Variants in VWF observed in about 807,000 individuals in gnomAD.
VWF encodes von Willebrand factor, also known as Factor VIII related antigen.
VWF carries 176 observed loss-of-function variants against 308.6 expected under a neutral mutation model. That is an observed-to-expected ratio of 0.57 (90% CI 0.50 to 0.65). VWF has a LOEUF of 0.65. Ranked by LOEUF, VWF falls within the 30% of genes least tolerant of loss-of-function variation. The probability of loss-of-function intolerance (pLI) is 0.00; values close to 1 mark genes in which losing one functional copy is unlikely to be tolerated. For synonymous variants in VWF, 1,385 were observed against 1,443.4 expected (o/e 0.96, Z 0.92); for missense variants, 3,146 against 3,648.2 (o/e 0.86, Z 3.55).
intron 5 of VWF, among the ~76,000 whole-genome samples, chr12:6,105,833 G>A (rs1308441702): frequency 2.0e-5 from 3 of 151,654 alleles, no homozygotes; most frequent in South Asian, 2.1e-4. Flanking sequence ...TCAAGAGATG[G>A]AGACCCTCCT....
intron 20 of VWF, among the ~76,000 whole-genome samples, chr12:6,032,598 A>T (rs1468499822): frequency 6.6e-6 from 1 of 151,658 alleles, no homozygotes; most frequent in African/African-American, 2.4e-5. Flanking sequence ...AGATCGCACC[A>T]CTGCACTCCA....
intron 34 of VWF, among the ~76,000 whole-genome samples, chr12:6,006,093 T>C (rs1223769948): frequency 1.3e-5 from 2 of 152,188 alleles, no homozygotes; most frequent in Admixed American, 1.3e-4. Flanking sequence ...AAATATAATT[T>C]GTGACATCAA....
At chr12:6,085,730 G>A (rs954762509) in intron 6 of VWF, among the ~76,000 whole-genome samples, 12 of 142,418 alleles carry the variant, frequency 8.4e-5, no homozygotes, top group South Asian at 2.3e-4. Flanking sequence ...GGGGGGGCGC[G>A]GGGGGCGGGG....
chr12:6,050,086 A>T (rs1591884679), intron 16 of VWF, among the ~76,000 whole-genome samples: 2 of 152,190 alleles, frequency 1.3e-5, no homozygotes, highest in African/African-American at 4.8e-5. Context: ...CAAGCTGTTG[A>T]TTCCATTTGT....
rs551960897 is a variant in VWF at position 6,100,350 on chromosome 12, T to C, written c.533-4766A>G. 1.5e-3 allele frequency among the ~76,000 whole-genome samples: 224 copies of C among 148,398 alleles called. 2 individuals carry two copies. The highest frequency in any genetic ancestry group is 2.1e-3 in the Non-Finnish European group (145 of 67,818). On this transcript the variant is annotated intron_variant, in intron 5 of 51. Coordinates refer to ENST00000261405, the MANE Select transcript of VWF (RefSeq NM_000552.5). ...TCAGTGTGGTGATTCCTCAGGGATCTAGAACTAGAAATACCATTTGACCCA... is the reference window on the plus strand; with the variant it reads ...TCAGTGTGGTGATTCCTCAGGGATCCAGAACTAGAAATACCATTTGACCCA...
chr12:6,092,603 T>TAGTTAGTGAGTGAGTG (rs1555073670), intron 6 of VWF, among the ~76,000 whole-genome samples: 1 of 65,366 alleles, frequency 1.5e-5, no homozygotes, highest in African/African-American at 6.6e-5. Flanking sequence ...CCCAGCTAGT[T>TAGTTAGTGAGTGAGTG]AGTGAGTGAG....
chr12:6,093,672 G>A (rs1397988156), intron 6 of VWF, among the ~76,000 whole-genome samples: 1 of 152,198 alleles, frequency 6.6e-6, no homozygotes, highest in African/African-American at 2.4e-5. Context: ...CTTCACAGCT[G>A]CACCTACCTC....
chr12:6,121,801 G>A (rs1945435001), intron 2 of VWF, among the ~76,000 whole-genome samples: 1 of 152,006 alleles, frequency 6.6e-6, no homozygotes, highest in Admixed American at 6.5e-5. Context: ...TGTAGTGGTG[G>A]GCGCCTGTAA....
rs115752407 is a variant in VWF at position 6,089,519 on chromosome 12, C to T, written c.657+5941G>A. On this transcript the variant is annotated intron_variant, in intron 6 of 51. Transcript: ENST00000261405. ...CAGCTGGAGCCTCAGAAAGGTGCCC[C>T]GGGAGGCAAACAAGGCTTCTCTTGC... Among the ~76,000 whole-genome samples, 471 of 152,162 alleles carry T rather than the reference C, an allele frequency of 3.1e-3. 5 individuals carry two copies. Among genetic ancestry groups the T allele is most frequent in the African/African-American group, 0.01 (431 of 41,518 alleles).
intron 47 of VWF, among the ~76,000 whole-genome samples, chr12:5,964,622 A>G (rs1270241979): frequency 6.6e-6 from 1 of 152,132 alleles, no homozygotes; most frequent in Non-Finnish European, 1.5e-5. Context: ...ACCTGTCCCA[A>G]GGTCAAGGTT....
At chr12:5,987,920 G>A (rs1317431457) in intron 38 of VWF, among the ~76,000 whole-genome samples, 24 of 152,208 alleles carry the variant, frequency 1.6e-4, no homozygotes, top group Non-Finnish European at 2.9e-5. Flanking sequence ...TTTTATAGGT[G>A]TGTACATATG....
Position 6,113,717 on chromosome 12 carries a change from C to T in VWF, c.221-2749G>A, listed in dbSNP as rs60410014. On this transcript the variant is annotated intron_variant, in intron 3 of 51. Coordinates refer to ENST00000261405, the MANE Select transcript of VWF (RefSeq NM_000552.5). The stretch of plus-strand genomic sequence containing the variant: ...TTTCAAAATTTCCATAAGAAAATGT[C>T]GAAAAACCAAACAAATGGGACAACC... 6.1e-3 allele frequency among the ~76,000 whole-genome samples: 926 copies of T among 152,314 alleles called. 10 individuals are homozygous for T. Among genetic ancestry groups the T allele is most frequent in the African/African-American group, 0.02 (845 of 41,568 alleles).
At chr12:6,107,119 C>CAA (rs1436019806) in intron 5 of VWF, among the ~76,000 whole-genome samples, 2 of 152,068 alleles carry the variant, frequency 1.3e-5, no homozygotes, top group East Asian at 3.8e-4. Context: ...ATGGATTAAC[C>CAA]TCTCACGGAC....
chr12:5,998,615 T>C (rs944100064), intron 34 of VWF, among the ~76,000 whole-genome samples: 2 of 147,490 alleles, frequency 1.4e-5, no homozygotes, highest in African/African-American at 5.0e-5. Flanking sequence ...GAGATATATA[T>C]CCTCTGAACA....
Position 5,949,076 on chromosome 12 carries a change from A to G in VWF, c.8381T>C (p.Val2794Ala), listed in dbSNP as rs772129534. Residue 2794 changes from valine to alanine, a missense_variant, in exon 52 of 52, where the codon GTG (valine) becomes GCG (alanine). Physicochemically the swap from Val to Ala is moderately conservative, Grantham distance 64. Transcript: ENST00000261405. ...VALHCTNGSV[V>A]YHEVLNAMEC... ...CATGGCATTGAGAACCTCATGGTAC[A>G]CAACAGAGCCATTGGTGCAGTGCAG... 1 of 1,614,210 alleles carries G rather than the reference A, an allele frequency of 6.2e-7. No individual in the cohort carries two copies. The highest frequency in any genetic ancestry group is 2.2e-5 in the East Asian group (1 of 44,880).
At chr12:6,041,700 G>A (rs1268718950) in intron 18 of VWF, among the ~76,000 whole-genome samples, 1 of 152,124 alleles carries the variant, frequency 6.6e-6, no homozygotes, top group African/African-American at 2.4e-5. Context: ...GCCCGCCTCA[G>A]CCTCCCAAAG....
chr12:5,967,463 G>C (rs201118818), intron 47 of VWF, 23 bp downstream of exon 47: 1 of 1,607,538 alleles, frequency 6.2e-7, no homozygotes, highest in Non-Finnish European at 8.5e-7. Flanking sequence ...CCATGCCCTC[G>C]GTCCCCATTG....
intron 42 of VWF, among the ~76,000 whole-genome samples, 155 bp from the exon 43 acceptor site, chr12:5,976,415 G>T (rs1349280040): frequency 2.6e-5 from 4 of 152,116 alleles, no homozygotes; most frequent in Non-Finnish European, 5.9e-5. Context: ...TGCTTATAAA[G>T]CAGATTTCGT....
chr12:6,097,924 T>C (rs950728589), intron 5 of VWF, among the ~76,000 whole-genome samples: 4 of 152,248 alleles, frequency 2.6e-5, no homozygotes, highest in Non-Finnish European at 4.4e-5. Flanking sequence ...TGTTGTTGCC[T>C]GGGCAAAGCC....
Sources: allele counts gnomAD v4.1 joint callset (sites outside exome capture counted in the v4.1 genomes callset), GRCh38; gene constraint gnomAD v4.1.1; transcripts MANE v1.5; gene names NCBI Gene and HGNC (gene_info 2026-07-23, HGNC 2026-07-21).